SVEP1: variants seen among roughly 807,000 people sequenced by gnomAD.
SVEP1 encodes sushi, von Willebrand factor type A, EGF and pentraxin domain containing 1.
SVEP1 carries 164 observed loss-of-function variants against 367.3 expected under a neutral mutation model. That is an observed-to-expected ratio of 0.45 (90% confidence interval 0.39 to 0.51). The LOEUF is 0.51. Ranked by LOEUF, SVEP1 falls within the 20% of genes least tolerant of loss-of-function variation. The pLI is 0.00. For synonymous variants in SVEP1, 1,666 were observed against 1,611.6 expected (o/e 1.03, Z -0.81); for missense variants, 4,117 against 4,425.3 (o/e 0.93, Z 1.98).
At chr9:110,564,443 C>A (rs1830465897) in intron 1 of SVEP1, among the ~76,000 whole-genome samples, 1 of 152,116 alleles carries the variant, frequency 6.6e-6, no homozygotes, top group South Asian at 2.1e-4. Flanking sequence ...CAGCAACAAG[C>A]CAACTCTGGA....
At chr9:110,428,715 A>C (rs531191472) in intron 35 of SVEP1, among the ~76,000 whole-genome samples, 1 of 152,308 alleles carries the variant, frequency 6.6e-6, no homozygotes, top group East Asian at 1.9e-4. Flanking sequence ...TACAGATTTG[A>C]GAACATCCTC....
At chr9:110,402,735 G>A (rs539701538) in intron 39 of SVEP1, among the ~76,000 whole-genome samples, 1 of 152,140 alleles carries the variant, frequency 6.6e-6, no homozygotes, top group African/African-American at 2.4e-5. Context: ...AGACAGCTCA[G>A]AGTCTTAGAC....
At chr9:110,457,483 G>A in intron 20 of SVEP1, 131 bp from the exon 21 acceptor site, 1 of 692,196 alleles carries the variant, frequency 1.4e-6, no homozygotes. Context: ...ACTCAAGCTA[G>A]GTGGCTTGCT....
At chr9:110,444,967 C>G (rs902432779) in intron 26 of SVEP1, among the ~76,000 whole-genome samples, 1 of 151,976 alleles carries the variant, frequency 6.6e-6, no homozygotes, top group African/African-American at 2.4e-5. Context: ...GTGAGATTCC[C>G]TTGGATTGGG....
intron 6 of SVEP1, among the ~76,000 whole-genome samples, chr9:110,501,698 T>C (rs1003111186): frequency 2.0e-5 from 3 of 152,218 alleles, no homozygotes; most frequent in Non-Finnish European, 4.4e-5. Context: ...CAGATTGATA[T>C]TTTTTATTGA....
rs181090576 is a variant in SVEP1 at position 110,438,142 on chromosome 9, C to T, written c.4640-1638G>A. ...GAAGGTGTTGTGAGACCATCTTGAA[C>T]GCGTTCTCATTTCATGAGTTTTAGT... is the stretch of plus-strand genomic sequence containing the variant. On this transcript the variant is annotated intron_variant, in intron 27 of 47. Transcript: ENST00000374469. Among the ~76,000 whole-genome samples the T allele has an allele frequency of 2.7e-3, 392 of 147,648 alleles. 4 individuals carry two copies. Among genetic ancestry groups the T allele is most frequent in the Non-Finnish European group, 6.5e-4 (44 of 67,326 alleles).
At position 110,522,459 on chromosome 9, in the gene SVEP1, C is replaced by A. The variant is rs1449548987; in HGVS notation, c.965-8353G>T. ...CTGGATTGTGGGATAGGCCAGTGGG[C>A]CAGCAAAGGGGGTCAGATCAGCAAA... On this transcript the variant is annotated intron_variant, in intron 3 of 47. Transcript: ENST00000374469. Among the ~76,000 whole-genome samples the A allele has an allele frequency of 2.6e-5, 4 of 152,220 alleles. No individual in the cohort carries two copies. In the East Asian group the frequency reaches 7.7e-4, roughly 29 times the overall value.
intron 38 of SVEP1, 96 bp downstream of exon 38, chr9:110,406,064 G>C (rs7850488): frequency 0.34 from 497,619 of 1,458,680 alleles, 87,280 homozygotes; most frequent in African/African-American, 0.53. Flanking sequence ...GTTCAGAGAT[G>C]ATGTTTTCTT....
intron 6 of SVEP1, 134 bp downstream of exon 6, chr9:110,502,904 C>A: frequency 1.2e-6 from 1 of 835,290 alleles, no homozygotes; most frequent in East Asian, 2.8e-5. Context: ...TCTGTAACAC[C>A]TGCACCTGTA....
At position 110,481,315 on chromosome 9, in the gene SVEP1, A is replaced by G. The variant is rs1314780928; in HGVS notation, c.2292T>C (p.Thr764=). 6.8e-6 allele frequency: 11 copies of G among 1,611,476 alleles called. No individual in the cohort carries two copies. Among genetic ancestry groups the G allele is most frequent in the Non-Finnish European group, 9.3e-6 (11 of 1,178,856 alleles). ...CTTCATAAGCACAATAATACTTGTC[A>G]GTAGACCCTTCTGTGAAATCATAGC... ...LEGYDFTEGS[T]DKYYCAYEDG... The change falls in exon 12 of 48, where the codon ACT becomes ACC. Residue 764 remains threonine (T), a synonymous_variant. Transcript: ENST00000374469.
Position 110,515,323 on chromosome 9 carries a change from C to T in SVEP1, c.965-1217G>A, listed in dbSNP as rs546217974. On this transcript the variant is annotated intron_variant, in intron 3 of 47. Transcript: ENST00000374469. ...TTTTTTTTTTTTTTTTTTTTTGAGA[C>T]GGAGTCTCGCTCTGTCCCCCAGGCT... Among the ~76,000 whole-genome samples the T allele has an allele frequency of 4.3e-4, 51 of 117,994 alleles. No individual in the cohort carries two copies. In the East Asian group the frequency reaches 9.1e-3, roughly 21 times the overall value. 77.4% of individuals were successfully genotyped at this position (117,994 alleles called of 152,430 possible).
At chr9:110,521,806 G>A (rs907597451) in intron 3 of SVEP1, among the ~76,000 whole-genome samples, 1 of 152,004 alleles carries the variant, frequency 6.6e-6, no homozygotes, top group African/African-American at 2.4e-5. Flanking sequence ...TATCTTTAAC[G>A]TTATTTTTCT....
At chr9:110,395,328 G>C (rs917241242) in intron 40 of SVEP1, among the ~76,000 whole-genome samples, 1 of 152,130 alleles carries the variant, frequency 6.6e-6, no homozygotes, top group Non-Finnish European at 1.5e-5. Flanking sequence ...CACCAGGCCT[G>C]CCCTAAAAGA....
chr9:110,501,588 T>G (rs1214629903), intron 6 of SVEP1, among the ~76,000 whole-genome samples: 7 of 152,146 alleles, frequency 4.6e-5, no homozygotes. Context: ...TTACAAGAGC[T>G]AAAGCTTAGA....
chr9:110,435,073 AC>A (rs1828413543), intron 29 of SVEP1, among the ~76,000 whole-genome samples, 167 bp downstream of exon 29: 1 of 152,224 alleles, frequency 6.6e-6, no homozygotes, highest in South Asian at 2.1e-4. Flanking sequence ...CATTAAAAAA[AC>A]AAATCCTTTG....
intron 1 of SVEP1, among the ~76,000 whole-genome samples, chr9:110,557,321 T>C (rs1199831493): frequency 6.6e-6 from 1 of 152,224 alleles, no homozygotes; most frequent in East Asian, 1.9e-4. Flanking sequence ...TTTTCCTTAT[T>C]ACAATATTTC....
chr9:110,454,671 A>G (rs1020196263), intron 22 of SVEP1, among the ~76,000 whole-genome samples: 1 of 152,240 alleles, frequency 6.6e-6, no homozygotes, highest in African/African-American at 2.4e-5. Context: ...ACATGGATGC[A>G]GCTGCAGGCC....
chr9:110,458,553 G>C lies in SVEP1; in HGVS notation c.3494C>G (p.Ser1165Ter). ...RSITECSSFS[S>*]TFSAAEESVV... ...ACTTTCCTCTGCCGCTGAGAAAGTTGAACTAAAACCTAATCAATTAATAGA... is the reference window on the plus strand; with the variant it reads ...ACTTTCCTCTGCCGCTGAGAAAGTTCAACTAAAACCTAATCAATTAATAGA... Residue 1165 changes from serine (S) to a stop codon, truncating the protein, a stop_gained, in exon 20 of 48, where the codon TCA (serine) becomes TGA (stop). Coordinates refer to ENST00000374469, the MANE Select transcript of SVEP1 (RefSeq NM_153366.4). LOFTEE classifies it high-confidence loss of function. 1 of 1,610,422 alleles carries C rather than the reference G, an allele frequency of 6.2e-7. No homozygotes were observed. Among genetic ancestry groups the C allele is most frequent in the Non-Finnish European group, 8.5e-7 (1 of 1,178,440 alleles).
chr9:110,528,156 G>GTGTGTGTGTATATA, intron 3 of SVEP1, among the ~76,000 whole-genome samples: 48 of 33,942 alleles, frequency 1.4e-3, no homozygotes, highest in African/African-American at 1.4e-3. Context: ...GTGTGTGTGT[G>GTGTGTGTGTATATA]TATATATATA....
Sources: gnomAD v4.1 joint callset for allele counts (sites outside exome capture counted in the v4.1 genomes callset) on GRCh38, gnomAD v4.1.1 for gene constraint, MANE v1.5 for transcripts, NCBI Gene and HGNC (gene_info 2026-07-23, HGNC 2026-07-21) for gene names.